Variants in HSPBAP1 observed in about 807,000 individuals in gnomAD.
HSPBAP1 encodes the protein HSPB1-associated protein 1.
Under a neutral mutation model 45.2 loss-of-function variants are expected in HSPBAP1, and 27 were observed. That is an observed-to-expected ratio of 0.60 (90% CI 0.44 to 0.82). HSPBAP1 has a LOEUF of 0.82. Among genes scored for constraint, HSPBAP1 ranks in the 40% least tolerant of loss-of-function variants. HSPBAP1 has a pLI of 0.00. For synonymous variants in HSPBAP1, 204 were observed against 202.7 expected (o/e 1.01, Z -0.06); for missense variants, 510 against 590.9 (o/e 0.86, Z 1.42).
rs574434421 is a variant in HSPBAP1 at position 122,770,597 on chromosome 3, C to T, written c.251-1715G>A. On this transcript the variant is annotated intron_variant, in intron 2 of 7. Transcript: ENST00000306103. ...GTGCCTGTAGTTGCAGCTACTCGGG[C>T]AGCTGAGGCAGGAGGATCACTTGAG... Among the ~76,000 whole-genome samples the T allele has an allele frequency of 4.6e-5, 7 of 152,064 alleles. No homozygotes were observed. The Middle Eastern group carries it at 0.014, about 296-fold the overall frequency.
intron 6 of HSPBAP1, among the ~76,000 whole-genome samples, chr3:122,748,456 G>A (rs1437279818): frequency 6.6e-6 from 1 of 151,322 alleles, no homozygotes; most frequent in Non-Finnish European, 1.5e-5. Context: ...ATGGATAAGA[G>A]ATCGAAATGC....
chr3:122,779,363 GAAC>G (rs1320971607), intron 1 of HSPBAP1, among the ~76,000 whole-genome samples: 1 of 151,524 alleles, frequency 6.6e-6, no homozygotes, highest in Non-Finnish European at 1.5e-5. Context: ...TTTTCTAGTT[GAAC>G]AATAGTCTGT....
chr3:122,784,328 A>T (rs1935584498), intron 1 of HSPBAP1, among the ~76,000 whole-genome samples: 1 of 152,240 alleles, frequency 6.6e-6, no homozygotes, highest in African/African-American at 2.4e-5. Context: ...TCAGTAACTC[A>T]TGTTAAAGGA....
At chr3:122,789,338 C>A (rs767746920) in intron 1 of HSPBAP1, among the ~76,000 whole-genome samples, 3 of 152,158 alleles carry the variant, frequency 2.0e-5, no homozygotes, top group African/African-American at 7.2e-5. Flanking sequence ...TAAAAAACAG[C>A]CCAATAGAGA....
At chr3:122,781,674 CTG>C (rs1560164807) in intron 1 of HSPBAP1, among the ~76,000 whole-genome samples, 1 of 152,166 alleles carries the variant, frequency 6.6e-6, no homozygotes, top group Admixed American at 6.5e-5. Context: ...ATCTTTATGT[CTG>C]TGTGTACTTG....
At position 122,793,733 on chromosome 3, in the gene HSPBAP1, G is replaced by A; in HGVS notation, c.-53C>T. The A allele has an allele frequency of 1.3e-6, 2 of 1,576,212 alleles. No individual in the cohort carries two copies. The highest frequency in any genetic ancestry group is 1.7e-6 in the Non-Finnish European group (2 of 1,147,462). ...ACCCAAGGCGGAGCGGAGCTGGGGT[G>A]GGGTCAGAGTAGGGGCCAAACTCCG... is the stretch of plus-strand genomic sequence containing the variant. On this transcript the variant is annotated 5_prime_UTR_variant, in exon 1 of 8. Transcript: ENST00000306103.
At chr3:122,764,695 C>G (rs1371281080) in intron 3 of HSPBAP1, among the ~76,000 whole-genome samples, 15 of 152,128 alleles carry the variant, frequency 9.9e-5, no homozygotes, top group Admixed American at 9.8e-4. Context: ...ATTTTGTTCT[C>G]TACTTTCCTA....
At chr3:122,770,611 G>T (rs1934961345) in intron 2 of HSPBAP1, among the ~76,000 whole-genome samples, 1 of 152,166 alleles carries the variant, frequency 6.6e-6, no homozygotes, top group Admixed American at 6.5e-5. Context: ...TGAGGCAGGA[G>T]GATCACTTGA....
intron 1 of HSPBAP1, chr3:122,786,380 T>C (rs1436706290): frequency 6.6e-6 from 1 of 152,168 alleles, no homozygotes; most frequent in Non-Finnish European, 1.5e-5. Flanking sequence ...TGAGTTACTT[T>C]GGGGTAGCGA....
In HSPBAP1 at chr3:122,776,441, A is replaced by C. The variant is rs531723644; in HGVS notation, c.250+1280T>G. 2.0e-5 allele frequency among the ~76,000 whole-genome samples: 3 copies of C among 152,322 alleles called. No individual in the cohort carries two copies. In the South Asian group the frequency reaches 6.2e-4, roughly 32 times the overall value. ...ATGGGATAACAGCAGCTCTGTCCTA[A>C]GGTTTTAGGAAGATTAAGAAAGCTA... On this transcript the variant is annotated intron_variant, in intron 2 of 7. Coordinates refer to ENST00000306103, the MANE Select transcript of HSPBAP1 (RefSeq NM_024610.6).
At chr3:122,782,319 A>G (rs890040555) in intron 1 of HSPBAP1, among the ~76,000 whole-genome samples, 1 of 152,234 alleles carries the variant, frequency 6.6e-6, no homozygotes, top group Non-Finnish European at 1.5e-5. Flanking sequence ...GGCAATCAAT[A>G]TTAATCCTTG....
intron 1 of HSPBAP1, among the ~76,000 whole-genome samples, chr3:122,792,891 G>C (rs80249617): frequency 6.9e-6 from 1 of 144,904 alleles, no homozygotes; most frequent in South Asian, 2.2e-4. Flanking sequence ...AAAAAAAAAA[G>C]AGAGAAAAGA....
At chr3:122,790,561 T>G (rs1158974014) in intron 1 of HSPBAP1, among the ~76,000 whole-genome samples, 1 of 152,254 alleles carries the variant, frequency 6.6e-6, no homozygotes, top group Non-Finnish European at 1.5e-5. Context: ...ATCTATGTCT[T>G]TATTGCCAAA....
chr3:122,779,594 A>G (rs1461383913), intron 1 of HSPBAP1, among the ~76,000 whole-genome samples: 1 of 151,440 alleles, frequency 6.6e-6, no homozygotes, highest in Admixed American at 6.6e-5. Flanking sequence ...AGTGGAGGGA[A>G]GGTCAGCAGA....
At chr3:122,753,456 A>G in intron 5 of HSPBAP1, 2 of 982,582 alleles carry the variant, frequency 2.0e-6, no homozygotes, top group Non-Finnish European at 2.4e-6. Context: ...GATGGTTAAA[A>G]TAGTGGTATC....
chr3:122,753,812 GA>G (rs1934245923), intron 5 of HSPBAP1: 2 of 985,182 alleles, frequency 2.0e-6, no homozygotes, highest in South Asian at 9.4e-5. Context: ...AGTGGTGACA[GA>G]AAGAGCTGGG....
intron 3 of HSPBAP1, among the ~76,000 whole-genome samples, chr3:122,762,849 G>A (rs372154022): frequency 6.6e-6 from 1 of 152,172 alleles, no homozygotes; most frequent in African/African-American, 2.4e-5. Flanking sequence ...CTGTTGTTGG[G>A]TGGAGTGTTT....
chr3:122,740,575 C>A lies in HSPBAP1; in HGVS notation c.1237G>T (p.Asp413Tyr). The change falls in exon 8 of 8, where the codon GAT (aspartate) becomes TAT (tyrosine). Residue 413 changes from aspartate (D) to tyrosine (Y), a missense_variant. Physicochemically the swap from Asp to Tyr is radical, Grantham distance 160. Transcript: ENST00000306103. ...PSERGGIFGS[D>Y]GKDFVDKDGE... is the part of the protein sequence containing the mutation. ...TCCTTGTCCACAAAGTCTTTCCCAT[C>A]ACTTCCAAATATGCCTCCTCTTTCT... 6.2e-7 allele frequency: 1 copy of A among 1,614,230 alleles called. No homozygotes were observed.
chr3:122,784,118 C>G (rs1935579491), intron 1 of HSPBAP1, among the ~76,000 whole-genome samples: 1 of 152,204 alleles, frequency 6.6e-6, no homozygotes. Context: ...CATGAGCCAC[C>G]ATGCCCAGCC....
Sources: allele counts gnomAD v4.1 joint callset (sites outside exome capture counted in the v4.1 genomes callset), GRCh38; gene constraint gnomAD v4.1.1; transcripts MANE v1.5; gene names NCBI Gene and HGNC (gene_info 2026-07-23, HGNC 2026-07-21).